THSD7A: variants seen among roughly 807,000 people sequenced by gnomAD.
The protein encoded by THSD7A is thrombospondin type-1 domain-containing protein 7A.
A neutral mutation model predicts 231.3 loss-of-function variants in THSD7A; 96 were observed. The ratio of observed to expected loss-of-function variants is 0.41; its 90% CI spans 0.35 to 0.49. The LOEUF is 0.49. THSD7A is among the 20% of genes least tolerant of loss of function. The pLI, the probability that THSD7A is intolerant of heterozygous loss-of-function variation, is 0.05. For missense variants in THSD7A, 2,290 were observed against 2,070.2 expected (o/e 1.11, Z -2.06); for synonymous variants, 940 against 743.3 (o/e 1.26, Z -4.30).
At chr7:11,669,971 A>ATG (rs35769040) in intron 1 of THSD7A, among the ~76,000 whole-genome samples, 8,036 of 150,810 alleles carry the variant, frequency 0.053, 680 homozygotes, top group African/African-American at 0.18. Context: ...TGTTGCATTC[A>ATG]TGTGTGTGTG....
chr7:11,654,116 T>A (rs889322819), intron 1 of THSD7A, among the ~76,000 whole-genome samples: 1 of 151,926 alleles, frequency 6.6e-6, no homozygotes, highest in Non-Finnish European at 1.5e-5. Context: ...TAATCTGAAT[T>A]CTAGGGTTGA....
At chr7:11,501,417 C>A (rs1787332526) in intron 6 of THSD7A, among the ~76,000 whole-genome samples, 1 of 152,180 alleles carries the variant, frequency 6.6e-6, no homozygotes, top group African/African-American at 2.4e-5. Context: ...GAACCAAAAT[C>A]ACACCAAACA....
At chr7:11,486,916 A>C (rs917049924) in intron 6 of THSD7A, among the ~76,000 whole-genome samples, 11 of 152,208 alleles carry the variant, frequency 7.2e-5, no homozygotes, top group African/African-American at 2.7e-4. Flanking sequence ...TAACTGAAGC[A>C]TATACTATTT....
chr7:11,682,356 T>C (rs1783901280), intron 1 of THSD7A, among the ~76,000 whole-genome samples: 1 of 152,030 alleles, frequency 6.6e-6, no homozygotes. Flanking sequence ...CTTTAAGAGA[T>C]CTATCTCAAA....
intron 1 of THSD7A, among the ~76,000 whole-genome samples, chr7:11,780,024 C>T (rs781314748): frequency 6.6e-6 from 1 of 152,176 alleles, no homozygotes; most frequent in Non-Finnish European, 1.5e-5. Flanking sequence ...ACTTGTTTTT[C>T]ATAGTCTGGG....
intron 2 of THSD7A, among the ~76,000 whole-genome samples, chr7:11,615,327 G>A (rs140519582): frequency 3.3e-5 from 5 of 152,312 alleles, no homozygotes; most frequent in African/African-American, 9.6e-5. Context: ...TGAACAGTCA[G>A]TGGTGAGCAG....
At chr7:11,827,498 C>T (rs1241238536) in intron 1 of THSD7A, among the ~76,000 whole-genome samples, 1 of 152,144 alleles carries the variant, frequency 6.6e-6, no homozygotes, top group Non-Finnish European at 1.5e-5. Flanking sequence ...ATACCGTCTT[C>T]ATCTAGTGTA....
At chr7:11,441,512 T>G (rs1784803011) in intron 13 of THSD7A, among the ~76,000 whole-genome samples, 2 of 152,124 alleles carry the variant, frequency 1.3e-5, no homozygotes, top group Non-Finnish European at 2.9e-5. Flanking sequence ...TTGAAGATGA[T>G]TAACTTGAGA....
intron 6 of THSD7A, among the ~76,000 whole-genome samples, chr7:11,531,877 C>G (rs149250507): frequency 6.6e-6 from 1 of 152,186 alleles, no homozygotes; most frequent in East Asian, 1.9e-4. Context: ...ATATAGGAAA[C>G]AGAGGAAGTA....
chr7:11,483,472 C>A (rs1030479036), intron 6 of THSD7A, among the ~76,000 whole-genome samples: 1 of 152,284 alleles, frequency 6.6e-6, no homozygotes, highest in South Asian at 2.1e-4. Context: ...TTTAGCTACT[C>A]TAATCTGTGG....
intron 1 of THSD7A, among the ~76,000 whole-genome samples, chr7:11,702,848 A>G (rs1047417662): frequency 1.3e-5 from 2 of 151,262 alleles, no homozygotes; most frequent in African/African-American, 4.8e-5. Context: ...ATTAACTATG[A>G]TTATTAGTAG....
rs1783419052 is a variant in THSD7A, at chr7:11,401,906, C to G, written c.4300G>C (p.Glu1434Gln). 1.2e-6 allele frequency: 2 copies of G among 1,613,906 alleles called. No individual in the cohort carries two copies. Among genetic ancestry groups the G allele is most frequent in the African/African-American group, 1.3e-5 (1 of 75,014 alleles). ...SLCQLTCVNG[E>Q]DLGFGGIQVR... is the part of the protein sequence containing the mutation. The stretch of plus-strand genomic sequence containing the variant: ...TGTATTCCACCAAAGCCTAGATCCT[C>G]ACCATTCACACAGGTCAGCTGACAC... Residue 1434 changes from glutamate to glutamine, a missense_variant, in exon 23 of 28, where the codon GAG becomes CAG. By Grantham distance (29) the Glu-to-Gln change is conservative. Coordinates refer to ENST00000423059, the MANE Select transcript of THSD7A (RefSeq NM_015204.3).
chr7:11,765,121 G>T (rs955456704), intron 1 of THSD7A, among the ~76,000 whole-genome samples: 1 of 151,990 alleles, frequency 6.6e-6, no homozygotes, highest in African/African-American at 2.4e-5. Flanking sequence ...GAGAGAAACT[G>T]ATACTGGAAA....
At chr7:11,452,811 A>T (rs1785187862) in intron 11 of THSD7A, among the ~76,000 whole-genome samples, 1 of 152,080 alleles carries the variant, frequency 6.6e-6, no homozygotes, top group South Asian at 2.1e-4. Context: ...ATTAACGAGG[A>T]TGCTAATATT....
At chr7:11,714,275 T>C (rs1319126991) in intron 1 of THSD7A, among the ~76,000 whole-genome samples, 2 of 151,264 alleles carry the variant, frequency 1.3e-5, no homozygotes, top group African/African-American at 4.8e-5. Flanking sequence ...ATATGTATTT[T>C]ATCAATCAGT....
chr7:11,735,356 A>G (rs1781880469), intron 1 of THSD7A, among the ~76,000 whole-genome samples: 1 of 151,964 alleles, frequency 6.6e-6, no homozygotes, highest in African/African-American at 2.4e-5. Flanking sequence ...AAATGCTCCG[A>G]AATAGAAAAC....
chr7:11,480,635 A>G (rs945844275), intron 7 of THSD7A, among the ~76,000 whole-genome samples: 2 of 152,196 alleles, frequency 1.3e-5, no homozygotes, highest in Non-Finnish European at 1.5e-5. Flanking sequence ...GAACACTATA[A>G]AGAAAATTCT....
chr7:11,487,440 A>G (rs182113333), intron 6 of THSD7A, among the ~76,000 whole-genome samples: 2 of 152,298 alleles, frequency 1.3e-5, no homozygotes, highest in South Asian at 2.1e-4. Flanking sequence ...TATAGTTTCA[A>G]TGTTTCTTTG....
rs1426672654 is a variant in THSD7A, at chr7:11,666,949, G to A, written c.191-29988C>T. Among the ~76,000 whole-genome samples the A allele has an allele frequency of 3.3e-5, 5 of 151,984 alleles. No homozygotes were observed. In the East Asian group the frequency reaches 9.7e-4, roughly 29 times the overall value. ...AGTCAAAAAAACTAAAATGTATACA[G>A]TTATCCAGTGGAATCTGAATAGCAC... On this transcript the variant is annotated intron_variant, in intron 1 of 27. Coordinates refer to ENST00000423059, the MANE Select transcript of THSD7A (RefSeq NM_015204.3).
Sources: gnomAD v4.1 joint callset for allele counts (sites outside exome capture counted in the v4.1 genomes callset) on GRCh38, gnomAD v4.1.1 for gene constraint, MANE v1.5 for transcripts, NCBI Gene and HGNC (gene_info 2026-07-23, HGNC 2026-07-21) for gene names.